F11R: variants seen among roughly 807,000 people sequenced by gnomAD.
The protein encoded by F11R is F11 receptor.
A neutral mutation model predicts 39.3 loss-of-function variants in F11R; 27 were observed. The observed-to-expected ratio is 0.69, with a 90% CI of 0.51 to 0.95. F11R has a LOEUF of 0.95. Ranked by LOEUF, F11R falls within the 40% of genes least tolerant of loss-of-function variation. The probability of loss-of-function intolerance (pLI) is 0.00; values close to 1 mark genes in which losing one functional copy is unlikely to be tolerated. For missense variants in F11R, 335 were observed against 372.7 expected (o/e 0.90, Z 0.83); for synonymous variants, 131 against 144.9 (o/e 0.90, Z 0.69).
chr1:161,015,342 G>A (rs1649398379), intron 1 of F11R, among the ~76,000 whole-genome samples: 1 of 149,840 alleles, frequency 6.7e-6, no homozygotes, highest in Non-Finnish European at 1.5e-5. Context: ...AGCTTGCAGT[G>A]AGCCGAGATT....
intron 1 of F11R, among the ~76,000 whole-genome samples, chr1:161,010,539 G>A (rs1431420095): frequency 6.6e-6 from 1 of 150,498 alleles, no homozygotes; most frequent in Non-Finnish European, 1.5e-5. Flanking sequence ...AAACTATTAT[G>A]CTATATGTAG....
In F11R at chr1:160,995,224, AT is replaced by A. The variant is rs954977135; in HGVS notation, c.*3646del. ...AGCTGGAAAAGCTAAAGAATTGGAT[AT>A]TTTTTAATGCAAATTGTTGTTTTTC... On this transcript the variant is annotated 3_prime_UTR_variant, in exon 10 of 10. Transcript: ENST00000368026. 6.6e-6 allele frequency: 1 copy of A among 152,236 alleles called. No homozygotes were observed. The highest frequency in any genetic ancestry group is 1.5e-5 in the Non-Finnish European group (1 of 68,008). The allele number at this position is 152,236 out of a possible 1,614,324, so 9.4% of individuals were successfully genotyped here. A position where few individuals can be genotyped will look rare whatever the true frequency, so the allele number is the denominator to read the frequency against.
intron 1 of F11R, among the ~76,000 whole-genome samples, chr1:161,003,753 G>GT (rs891566390): frequency 6.6e-6 from 1 of 151,542 alleles, no homozygotes; most frequent in African/African-American, 2.4e-5. Context: ...GTTCTAACTA[G>GT]TTTTTTGTAT....
chr1:161,000,819 A>C, intron 3 of F11R, 42 bp from the exon 4 acceptor site: 2 of 1,612,876 alleles, frequency 1.2e-6, no homozygotes, highest in Non-Finnish European at 1.7e-6. Context: ...AGTGAACTGG[A>C]GAGCTAAGGG....
Position 160,996,012 on chromosome 1 carries a change from T to C in F11R, c.*2859A>G, listed in dbSNP as rs746847578. 6.6e-6 allele frequency: 1 copy of C among 152,282 alleles called. No homozygotes were observed. Among genetic ancestry groups the C allele is most frequent in the Non-Finnish European group, 1.5e-5 (1 of 68,022 alleles). The allele number at this position is 152,282 out of a possible 1,614,324, so 9.4% of individuals were successfully genotyped here. On this transcript the variant is annotated 3_prime_UTR_variant, in exon 10 of 10. Transcript: ENST00000368026. ...TCACTTTAACATAGGAAATGTCCAT[T>C]GTGGGGTTATTTGCATTTAAACACA...
chr1:160,999,544 A>G, intron 7 of F11R, 96 bp downstream of exon 7: 4 of 1,498,118 alleles, frequency 2.7e-6, no homozygotes, highest in Admixed American at 1.7e-5. Context: ...ACCCACACAC[A>G]TGAGCACAGT....
At chr1:161,001,553 C>G (rs1057311727) in intron 1 of F11R, among the ~76,000 whole-genome samples, 200 bp from the exon 2 acceptor site, 2 of 152,202 alleles carry the variant, frequency 1.3e-5, no homozygotes, top group African/African-American at 4.8e-5. Context: ...GCTACAATTG[C>G]CAGCTAATAC....
chr1:161,005,673 T>G (rs1248184941), intron 1 of F11R, among the ~76,000 whole-genome samples: 1 of 151,996 alleles, frequency 6.6e-6, no homozygotes, highest in Non-Finnish European at 1.5e-5. Context: ...GCACCTGGCC[T>G]GCCCAGCTAA....
At position 160,999,635 on chromosome 1, in the gene F11R, C is replaced by CT. The variant is rs769253903; in HGVS notation, c.802+4dup. On this transcript the variant is annotated splice_donor_region_variant and intron_variant, in intron 7 of 9. Transcript: ENST00000368026. ...AAAGGAGAGCCTCTGGGGGCAGATA[C>CT]TTACTGTCAAAGTGGCCTCGGCTAT... 4.3e-6 allele frequency: 7 copies of CT among 1,613,206 alleles called. No individual in the cohort carries two copies. In the Admixed American group the frequency reaches 1.0e-4, roughly 23 times the overall value.
At position 160,998,908 on chromosome 1, in the gene F11R, T is replaced by C. The variant is rs761046064; in HGVS notation, c.865-2A>G. On this transcript the variant is annotated splice_acceptor_variant, in intron 9 of 9. Coordinates refer to ENST00000368026, the MANE Select transcript of F11R (RefSeq NM_016946.6). LOFTEE classifies it high-confidence loss of function. ...TGACGAGGTCTGTTTGAATTCTCCC[T>C]GCAGAAATAAAACATCCAGTCAACT... 3.1e-6 allele frequency: 5 copies of C among 1,614,124 alleles called. No homozygotes were observed. Among genetic ancestry groups the C allele is most frequent in the Non-Finnish European group, 4.2e-6 (5 of 1,179,956 alleles).
chr1:161,014,739 A>C (rs2101987586), intron 1 of F11R, among the ~76,000 whole-genome samples: 1 of 152,106 alleles, frequency 6.6e-6, no homozygotes, highest in South Asian at 2.1e-4. Flanking sequence ...CAGGAATTCA[A>C]GACCAGCTTG....
chr1:161,010,563 G>A (rs1649095930), intron 1 of F11R, among the ~76,000 whole-genome samples: 1 of 151,760 alleles, frequency 6.6e-6, no homozygotes, highest in Admixed American at 6.6e-5. Context: ...TATTGGACAA[G>A]CAAGGAAATC....
chr1:161,003,250 A>G (rs1648600606), intron 1 of F11R, among the ~76,000 whole-genome samples: 1 of 151,672 alleles, frequency 6.6e-6, no homozygotes, highest in African/African-American at 2.4e-5. Flanking sequence ...CAGCCTCCCA[A>G]GTAGCTGGGA....
chr1:161,017,447 C>G (rs1014113566), intron 1 of F11R, among the ~76,000 whole-genome samples: 1 of 152,200 alleles, frequency 6.6e-6, no homozygotes, highest in South Asian at 2.1e-4. Context: ...ATGCGGGCAG[C>G]AATATTGCTT....
chr1:161,012,652 T>G (rs906826520), intron 1 of F11R, among the ~76,000 whole-genome samples: 1 of 146,030 alleles, frequency 6.8e-6, no homozygotes, highest in African/African-American at 2.6e-5. Context: ...AGACAGAGTT[T>G]TTGCTCTCGT....
chr1:161,012,893 G>C (rs1649252119), intron 1 of F11R, among the ~76,000 whole-genome samples: 1 of 152,076 alleles, frequency 6.6e-6, no homozygotes, highest in African/African-American at 2.4e-5. Context: ...CCAAAGTGCT[G>C]GGATTATAGG....
At chr1:160,999,189 GCA>G (rs1648314006) in intron 8 of F11R, 98 bp from the exon 9 acceptor site, 4 of 1,548,910 alleles carry the variant, frequency 2.6e-6, no homozygotes, top group Non-Finnish European at 3.6e-6. Flanking sequence ...TGCTACAGAA[GCA>G]CAGAGTGCGC....
intron 1 of F11R, among the ~76,000 whole-genome samples, chr1:161,012,987 A>T (rs932055093): frequency 2.0e-5 from 3 of 152,152 alleles, no homozygotes; most frequent in African/African-American, 2.4e-5. Flanking sequence ...TGTTATATAG[A>T]TGAATTACAT....
chr1:161,000,846 C>T, intron 3 of F11R, 69 bp from the exon 4 acceptor site: 1 of 1,589,676 alleles, frequency 6.3e-7, no homozygotes, highest in African/African-American at 1.3e-5. Context: ...ATGAAGGGGG[C>T]ATCCAAGGTA....
Sources: allele counts gnomAD v4.1 joint callset (sites outside exome capture counted in the v4.1 genomes callset), GRCh38; gene constraint gnomAD v4.1.1; transcripts MANE v1.5; gene names NCBI Gene and HGNC (gene_info 2026-07-23, HGNC 2026-07-21).